The following KCNQ1 variants were observed in gnomAD, a reference collection of about 807,000 sequenced individuals.
KCNQ1 encodes the protein potassium voltage-gated channel subfamily Q member 1, also known as potassium voltage-gated channel subfamily KQT member 1.
In KCNQ1, 49 loss-of-function variants were observed where a neutral mutation model predicts 72.4. That is an observed-to-expected ratio of 0.68 (90% confidence interval 0.54 to 0.86). The LOEUF is 0.86. Among genes scored for constraint, KCNQ1 ranks in the 40% least tolerant of loss-of-function variants. The probability of loss-of-function intolerance (pLI) is 0.00; values close to 1 mark genes in which losing one functional copy is unlikely to be tolerated. For synonymous variants in KCNQ1, 450 were observed against 412.6 expected, an observed-to-expected ratio of 1.09 and a Z score of -1.10; for missense variants, 790 against 945.1, an observed-to-expected ratio of 0.84 and a Z score of 2.15.
At chr11:2,531,106 A>C (rs1424300216) in intron 2 of KCNQ1, among the ~76,000 whole-genome samples, 1 of 152,186 alleles carries the variant, frequency 6.6e-6, no homozygotes, top group Non-Finnish European at 1.5e-5. Context: ...GTTATCTCCC[A>C]GGCAGCTGGG....
rs1004446936 is a variant in KCNQ1 at position 2,579,765 on chromosome 11, C to G, written c.922-3670C>G. 1.3e-5 allele frequency among the ~76,000 whole-genome samples: 2 copies of G among 152,124 alleles called. No individual in the cohort carries two copies. The highest frequency in any genetic ancestry group is 2.9e-5 in the Non-Finnish European group (2 of 68,020). ...CCTCTCGGGGCACCCCTGCCTTCTA[C>G]TGACCACCCAGCCAGCCAGCAGGAG... On this transcript the variant is annotated intron_variant, in intron 6 of 15. Transcript: ENST00000155840. The surrounding 1 kb of genome is among the most constrained non-coding windows in gnomAD (Gnocchi z 6.0).
chr11:2,773,082 T>C (rs1470162917), intron 12 of KCNQ1, among the ~76,000 whole-genome samples: 2 of 152,198 alleles, frequency 1.3e-5, no homozygotes, highest in Non-Finnish European at 2.9e-5. Flanking sequence ...ACTCCCTCCC[T>C]TAAGGCAGAG....
intron 11 of KCNQ1, chr11:2,685,029 G>A (rs1285046540): frequency 5.0e-6 from 2 of 398,470 alleles, no homozygotes; most frequent in African/African-American, 4.1e-5. Flanking sequence ...CTGTCTCATG[G>A]GTGAGCACAT....
rs966792222 is a variant in KCNQ1 at position 2,828,557 on chromosome 11, T to C, written c.1795-19210T>C. Among the ~76,000 whole-genome samples, 3 of 150,122 alleles carry C rather than the reference T, an allele frequency of 2.0e-5. No homozygotes were observed. Among genetic ancestry groups the C allele is most frequent in the Non-Finnish European group, 3.0e-5 (2 of 67,226 alleles). On this transcript the variant is annotated intron_variant, in intron 15 of 15. Coordinates refer to ENST00000155840, the MANE Select transcript of KCNQ1 (RefSeq NM_000218.3). This position sits in a 1 kb window ranked among gnomAD's most constrained non-coding sequence, Gnocchi z 5.3. ...AGAAGAGCCACCAAGAATGAGGCAG[T>C]TCCCAACCCAGGACCCTGACAGGCA...
At position 2,493,892 on chromosome 11, in the gene KCNQ1, A is replaced by G. The variant is rs1416899909; in HGVS notation, c.387-34036A>G. Among the ~76,000 whole-genome samples the G allele has an allele frequency of 3.3e-5, 5 of 152,188 alleles. No individual in the cohort carries two copies. The highest frequency in any genetic ancestry group is 2.1e-4 in the South Asian group (1 of 4,830). ...TTTTCTAATTCTGTGAAGAAAGTCA[A>G]TGATAGCTTGATGGGAATAGCATTG... is the stretch of plus-strand genomic sequence containing the variant. On this transcript the variant is annotated intron_variant, in intron 1 of 15. Transcript: ENST00000155840. This position sits in a 1 kb window ranked among gnomAD's most constrained non-coding sequence, Gnocchi z 5.3.
At chr11:2,718,554 C>T (rs976925047) in intron 11 of KCNQ1, among the ~76,000 whole-genome samples, 2 of 152,204 alleles carry the variant, frequency 1.3e-5, no homozygotes, top group African/African-American at 2.4e-5. Flanking sequence ...GAGGATAGTT[C>T]GGGCATCTGA....
rs1848361040 is a variant in KCNQ1 at position 2,847,767 on chromosome 11, G to A, written c.1795G>A (p.Val599Met). The change falls in exon 16 of 16, where the codon GTG (valine) becomes ATG (methionine). Residue 599 changes from valine to methionine, a missense_variant and splice_region_variant. Val to Met is a conservative substitution (Grantham distance 21). Around this residue, in one of 5 missense-constraint regions of KCNQ1, gnomAD observed 91 missense variants for 139.1 expected, o/e 0.65. Coordinates refer to ENST00000155840, the MANE Select transcript of KCNQ1 (RefSeq NM_000218.3). Reference sequence around the variant, plus strand: ...CTCTCGTCTGCCTTTGTCCCCGCAGGTGACGCAGCTGGACCAGAGGCTGGC... The same window carrying A: ...CTCTCGTCTGCCTTTGTCCCCGCAGATGACGCAGCTGGACCAGAGGCTGGC... ...GARLNRVEDK[V>M]TQLDQRLALI... is the part of the protein sequence containing the mutation. The A allele has an allele frequency of 1.9e-6, 3 of 1,573,798 alleles. No individual in the cohort carries two copies. The highest frequency in any genetic ancestry group is 8.6e-7 in the Non-Finnish European group (1 of 1,159,162).
chr11:2,657,546 A>G lies in KCNQ1; in HGVS notation c.1394-4415A>G. On this transcript the variant is annotated intron_variant, in intron 10 of 15. Coordinates refer to ENST00000155840, the MANE Select transcript of KCNQ1 (RefSeq NM_000218.3). This position sits in a 1 kb window ranked among gnomAD's most constrained non-coding sequence, Gnocchi z 4.8. ...AGTACCGAGTACCCACATCCCTTTC[A>G]CCAGCTTCCCCTAATGTTAGCATCT... 2.5e-6 allele frequency: 1 copy of G among 398,580 alleles called. No individual in the cohort carries two copies. Among genetic ancestry groups the G allele is most frequent in the East Asian group, 3.6e-5 (1 of 28,062 alleles). 24.7% of individuals were successfully genotyped at this position (398,580 alleles called of 1,614,324 possible).
At chr11:2,466,960 A>G (rs111760293) in intron 1 of KCNQ1, among the ~76,000 whole-genome samples, 4,800 of 152,276 alleles carry the variant, frequency 0.032, 172 homozygotes, top group African/African-American at 0.089. Context: ...ACCTGGCCAC[A>G]GTCTAGGGGC....
chr11:2,794,163 T>A (rs1434316592), intron 15 of KCNQ1, among the ~76,000 whole-genome samples: 2 of 151,202 alleles, frequency 1.3e-5, no homozygotes, highest in Non-Finnish European at 2.9e-5. Context: ...GTTCCAGGAG[T>A]GGTGAGGGGC....
In KCNQ1 at chr11:2,654,605, G is replaced by T. The variant is rs912134725; in HGVS notation, c.1394-7356G>T. 5 of 398,726 alleles carry T rather than the reference G, an allele frequency of 1.3e-5. No homozygotes were observed. The highest frequency in any genetic ancestry group is 4.4e-5 in the Admixed American group (1 of 22,720). 24.7% of individuals were successfully genotyped at this position (398,726 alleles called of 1,614,324 possible). On this transcript the variant is annotated intron_variant, in intron 10 of 15. Transcript: ENST00000155840. This position sits in a 1 kb window ranked among gnomAD's most constrained non-coding sequence, Gnocchi z 6.4. ...GGAAGGGCAGGGGGTGAGTGGTTGGGTGAAGTTACTAGGAAGGGCCCAGAC... is the reference window on the plus strand; with the variant it reads ...GGAAGGGCAGGGGGTGAGTGGTTGGTTGAAGTTACTAGGAAGGGCCCAGAC...
rs1849014742 is a variant in KCNQ1 at position 2,613,553 on chromosome 11, T to C, written c.1393+24699T>C. 2 of 398,468 alleles carry C rather than the reference T, an allele frequency of 5.0e-6. No homozygotes were observed. The highest frequency in any genetic ancestry group is 1.3e-4 in the South Asian group (1 of 7,860). 24.7% of individuals were successfully genotyped at this position (398,468 alleles called of 1,614,324 possible). On this transcript the variant is annotated intron_variant, in intron 10 of 15. Coordinates refer to ENST00000155840, the MANE Select transcript of KCNQ1 (RefSeq NM_000218.3). The surrounding 1 kb of genome is among the most constrained non-coding windows in gnomAD (Gnocchi z 4.8). ...ACGTTAAATCATAACCCTGCTATTC[T>C]TAGGAAGGCTTAATATTTTTTCTTT...
At chr11:2,470,664 C>G in intron 1 of KCNQ1, among the ~76,000 whole-genome samples, 1 of 146,452 alleles carries the variant, frequency 6.8e-6, no homozygotes, top group African/African-American at 2.6e-5. Context: ...CAGGGTTTCT[C>G]TGGGGTTCCC....
At chr11:2,632,349 A>G (rs1849373487) in intron 10 of KCNQ1, 1 of 398,322 alleles carries the variant, frequency 2.5e-6, no homozygotes, top group Non-Finnish European at 4.4e-6. Flanking sequence ...TCCTTTCTAA[A>G]TGATGCCTTT....
At chr11:2,731,577 C>G (rs1455475847) in intron 11 of KCNQ1, among the ~76,000 whole-genome samples, 1 of 152,248 alleles carries the variant, frequency 6.6e-6, no homozygotes, top group Non-Finnish European at 1.5e-5. Context: ...TCAGAGTCCC[C>G]TTCGCTGCTT....
rs1589944404 is a variant in KCNQ1 at position 2,549,349 on chromosome 11, C to T, written c.478-21279C>T. 6.6e-6 allele frequency among the ~76,000 whole-genome samples: 1 copy of T among 151,976 alleles called. No individual in the cohort carries two copies. The highest frequency in any genetic ancestry group is 3.4e-3 in the Middle Eastern group (1 of 294). On this transcript the variant is annotated intron_variant, in intron 2 of 15. Transcript: ENST00000155840. The surrounding 1 kb of genome is among the most constrained non-coding windows in gnomAD (Gnocchi z 6.2). ...CAAACCTGGGTCCAGGCACCTGGGG[C>T]GACCCTCCTTGGCCGTCCTTGCCAT... is the stretch of plus-strand genomic sequence containing the variant.
chr11:2,821,273 G>A (rs150770795), intron 15 of KCNQ1, among the ~76,000 whole-genome samples: 12 of 152,346 alleles, frequency 7.9e-5, no homozygotes, highest in African/African-American at 1.7e-4. Context: ...CAGAGGCCCC[G>A]CGTGGGGCAG....
At chr11:2,846,354 T>C (rs1476219000) in intron 15 of KCNQ1, among the ~76,000 whole-genome samples, 6 of 152,026 alleles carry the variant, frequency 3.9e-5, no homozygotes, top group Non-Finnish European at 7.4e-5. Flanking sequence ...TGTTTGCCCC[T>C]CCCCCACCAC....
chr11:2,825,440 G>A (rs189794481), intron 15 of KCNQ1, among the ~76,000 whole-genome samples: 40 of 152,258 alleles, frequency 2.6e-4, no homozygotes, highest in Non-Finnish European at 3.5e-4. Context: ...CACCACGCGG[G>A]GGGGTAGGGG....
Sources: allele counts gnomAD v4.1 joint callset (sites outside exome capture counted in the v4.1 genomes callset), GRCh38; gene constraint gnomAD v4.1.1; regional missense constraint gnomAD v4.1.1; non-coding constraint Gnocchi (gnomAD v3.1); transcripts MANE v1.5; gene names NCBI Gene and HGNC (gene_info 2026-07-23, HGNC 2026-07-21).